Variants in ZDHHC8 observed in about 807,000 individuals in gnomAD.
ZDHHC8 encodes palmitoyltransferase ZDHHC8.
In ZDHHC8, 24 loss-of-function variants were observed where a neutral mutation model predicts 61.2. That is an observed-to-expected ratio of 0.39 (90% confidence interval 0.28 to 0.55). The LOEUF (loss-of-function observed/expected upper bound fraction) is 0.55, where lower values mean the gene tolerates loss of function less well. Among genes scored for constraint, ZDHHC8 ranks in the 20% least tolerant of loss-of-function variants. ZDHHC8 has a pLI of 0.60. For synonymous variants in ZDHHC8, 523 were observed against 492.5 expected, an observed-to-expected ratio of 1.06 and a Z score of -0.82; for missense variants, 935 against 1,102.1, an observed-to-expected ratio of 0.85 and a Z score of 2.15.
At position 20,140,694 on chromosome 22, in the gene ZDHHC8, C is replaced by T. The variant is rs2050460287; in HGVS notation, c.738C>T (p.Ser246=). The T allele has an allele frequency of 6.2e-7, 1 of 1,610,598 alleles. No individual in the cohort carries two copies. Among genetic ancestry groups the T allele is most frequent in the Non-Finnish European group, 8.5e-7 (1 of 1,179,206 alleles). The change falls in exon 6 of 11, where the codon AGC becomes AGT. Residue 246 remains serine, a synonymous_variant. Coordinates refer to ENST00000334554, the MANE Select transcript of ZDHHC8 (RefSeq NM_013373.4). ...CCGNVEHVLC[S]PLAPRYVVEP... ...GGAATGTGGAGCACGTGCTGTGTAG[C>T]CCCCTGGCGCCCCGGTGAGGCCCGG... is the stretch of plus-strand genomic sequence containing the variant.
chr22:20,146,719 G>A lies in ZDHHC8; in HGVS notation c.*1319G>A. 1.7e-6 allele frequency: 2 copies of A among 1,157,828 alleles called. No individual in the cohort carries two copies. The highest frequency in any genetic ancestry group is 7.0e-4 in the Middle Eastern group (2 of 2,854). 71.7% of individuals were successfully genotyped at this position (1,157,828 alleles called of 1,614,324 possible). A position where few individuals can be genotyped will look rare whatever the true frequency, so the allele number is the denominator to read the frequency against. On this transcript the variant is annotated 3_prime_UTR_variant, in exon 11 of 11. Coordinates refer to ENST00000334554, the MANE Select transcript of ZDHHC8 (RefSeq NM_013373.4). ...GCAGTGACAGGGTGTTTGGGGGAAA[G>A]ACTTGGGTCTGCCGCTACCCACAGG...
intron 1 of ZDHHC8, 59 bp downstream of exon 1, chr22:20,132,110 C>T (rs1466307055): frequency 1.9e-6 from 2 of 1,058,088 alleles, no homozygotes; most frequent in Non-Finnish European, 2.3e-6. Context: ...CCGCACAGCC[C>T]GGGCACGGGG....
chr22:20,134,745 C>T (rs1267608457), intron 1 of ZDHHC8, among the ~76,000 whole-genome samples: 1 of 152,166 alleles, frequency 6.6e-6, no homozygotes, highest in African/African-American at 2.4e-5. Flanking sequence ...GGCCTGAGAA[C>T]CAGGGACCCC....
chr22:20,146,254 A>G lies in ZDHHC8; in HGVS notation c.*854A>G. 2.0e-6 allele frequency: 2 copies of G among 985,404 alleles called. No homozygotes were observed. The highest frequency in any genetic ancestry group is 2.4e-6 in the Non-Finnish European group (2 of 829,896). The allele number at this position is 985,404 out of a possible 1,614,324, so 61.0% of individuals were successfully genotyped here. A position where few individuals can be genotyped will look rare whatever the true frequency, so the allele number is the denominator to read the frequency against. Reference sequence around the variant, plus strand: ...CTGCCAAACTGGAGAACCCCACCCCAAGGCATGCCACGTCCGCAGCCCCGG... The same window carrying G: ...CTGCCAAACTGGAGAACCCCACCCCGAGGCATGCCACGTCCGCAGCCCCGG... On this transcript the variant is annotated 3_prime_UTR_variant, in exon 11 of 11. Coordinates refer to ENST00000334554, the MANE Select transcript of ZDHHC8 (RefSeq NM_013373.4).
chr22:20,143,279 C>T lies in ZDHHC8; in HGVS notation c.1649C>T (p.Ala550Val). Residue 550 changes from alanine (A) to valine (V), a missense_variant, in exon 10 of 11, where the codon GCA (alanine) becomes GTA (valine). Physicochemically the swap from Ala to Val is moderately conservative, Grantham distance 64. This residue lies in a region of ZDHHC8 where 692 missense variants were observed against 731.4 expected (regional missense o/e 0.95). Coordinates refer to ENST00000334554, the MANE Select transcript of ZDHHC8 (RefSeq NM_013373.4). Reference protein sequence around the residue: ...RYDNLSRTIMASIQERKDREE... With the variant: ...RYDNLSRTIMVSIQERKDREE... ...GACAACCTGTCCAGGACCATCATGG[C>T]ATCCATCCAGGAGCGCAAGGACAGG... 1.2e-6 allele frequency: 2 copies of T among 1,606,026 alleles called. No individual in the cohort carries two copies. The highest frequency in any genetic ancestry group is 1.7e-6 in the Non-Finnish European group (2 of 1,179,264).
chr22:20,136,695 T>C (rs2050423666), intron 1 of ZDHHC8, among the ~76,000 whole-genome samples: 1 of 152,228 alleles, frequency 6.6e-6, no homozygotes, highest in Non-Finnish European at 1.5e-5. Context: ...CACGTGTGCA[T>C]GTCTGCATGC....
At chr22:20,139,085 G>C in intron 1 of ZDHHC8, 109 bp from the exon 2 acceptor site, 1 of 1,483,132 alleles carries the variant, frequency 6.7e-7, no homozygotes, top group African/African-American at 1.4e-5. Flanking sequence ...CACTGCCTCT[G>C]AGCTCTGAGG....
intron 1 of ZDHHC8, among the ~76,000 whole-genome samples, chr22:20,134,981 G>C (rs2050407777): frequency 6.6e-6 from 1 of 152,196 alleles, no homozygotes; most frequent in African/African-American, 2.4e-5. Context: ...ACCCAGGCCA[G>C]AGTGCAGTGG....
At position 20,143,627 on chromosome 22, in the gene ZDHHC8, G is replaced by A; in HGVS notation, c.1997G>A (p.Arg666Lys). ...CCCCGGCCCAGCAGTGGCTCACACA[G>A]GTCACCTGCACGCCAGGGCCTGCCC... ...PGPRPSSGSHRSPARQGLPSP... is the reference protein window; with the variant it reads ...PGPRPSSGSHKSPARQGLPSP... Residue 666 changes from arginine (R) to lysine (K), a missense_variant, in exon 10 of 11, where the codon AGG becomes AAG. By Grantham distance (26) the Arg-to-Lys change is conservative (BLOSUM62 2). This residue lies in a region of ZDHHC8 where 692 missense variants were observed against 731.4 expected (regional missense o/e 0.95). Transcript: ENST00000334554. 2 of 1,605,346 alleles carry A rather than the reference G, an allele frequency of 1.2e-6. No homozygotes were observed. The highest frequency in any genetic ancestry group is 1.7e-6 in the Non-Finnish European group (2 of 1,179,170).
At position 20,146,701 on chromosome 22, in the gene ZDHHC8, CAG is replaced by C. The variant is rs1242912776; in HGVS notation, c.*1302_*1303del. On this transcript the variant is annotated 3_prime_UTR_variant, in exon 11 of 11. Coordinates refer to ENST00000334554, the MANE Select transcript of ZDHHC8 (RefSeq NM_013373.4). ...GGGTCTGTGTCAGTTCTGGCAGTGA[CAG>C]GGTGTTTGGGGGAAAGACTTGGGTC... 5.4e-6 allele frequency: 6 copies of C among 1,120,592 alleles called. No homozygotes were observed. The highest frequency in any genetic ancestry group is 6.5e-6 in the Non-Finnish European group (6 of 917,218). The allele number at this position is 1,120,592 out of a possible 1,614,324, so 69.4% of individuals were successfully genotyped here.
rs769117335 is a variant in ZDHHC8 at position 20,143,253 on chromosome 22, C to T, written c.1623C>T (p.Tyr541=). 5.0e-6 allele frequency: 8 copies of T among 1,606,422 alleles called. No homozygotes were observed. Among genetic ancestry groups the T allele is most frequent in the Admixed American group, 1.7e-5 (1 of 59,948 alleles). ...CCCGGGAGCCCTCGCCTGTGCGCTACGACAACCTGTCCAGGACCATCATGG... is the reference window on the plus strand; with the variant it reads ...CCCGGGAGCCCTCGCCTGTGCGCTATGACAACCTGTCCAGGACCATCATGG... ...PRPREPSPVR[Y]DNLSRTIMAS... Residue 541 remains tyrosine (Y), a synonymous_variant, in exon 10 of 11, where the codon TAC becomes TAT. Transcript: ENST00000334554.
intron 5 of ZDHHC8, 124 bp downstream of exon 5, chr22:20,140,341 T>A: frequency 1.9e-6 from 2 of 1,051,752 alleles, no homozygotes; most frequent in South Asian, 1.6e-5. Flanking sequence ...GAGACGAGGC[T>A]CCAACTCTGA....
In ZDHHC8 at chr22:20,146,194, C is replaced by T; in HGVS notation, c.*794C>T. 2.0e-6 allele frequency: 2 copies of T among 985,612 alleles called. No homozygotes were observed. The highest frequency in any genetic ancestry group is 4.7e-5 in the South Asian group (1 of 21,292). 61.1% of individuals were successfully genotyped at this position (985,612 alleles called of 1,614,324 possible). On this transcript the variant is annotated 3_prime_UTR_variant, in exon 11 of 11. Coordinates refer to ENST00000334554, the MANE Select transcript of ZDHHC8 (RefSeq NM_013373.4). Reference sequence around the variant, plus strand: ...TGATGCTGCCACAGGGGGCTGGTGACACCCAGAGCCCCCTCCCCAGCCCTC... The same window carrying T: ...TGATGCTGCCACAGGGGGCTGGTGATACCCAGAGCCCCCTCCCCAGCCCTC...
intron 10 of ZDHHC8, 82 bp from the exon 11 acceptor site, chr22:20,145,147 T>C (rs1282104286): frequency 1.6e-6 from 2 of 1,276,494 alleles, no homozygotes; most frequent in Non-Finnish European, 2.1e-6. Context: ...GCGTCGTCTC[T>C]GTCTTGCTGC....
At chr22:20,139,941 G>T in intron 4 of ZDHHC8, 49 bp downstream of exon 4, 1 of 1,601,050 alleles carries the variant, frequency 6.2e-7, no homozygotes, top group South Asian at 1.1e-5. Context: ...GTGGACCGGG[G>T]ACACGTTCAC....
chr22:20,138,981 T>C (rs1341951727), intron 1 of ZDHHC8, among the ~76,000 whole-genome samples: 1 of 152,018 alleles, frequency 6.6e-6, no homozygotes, highest in Non-Finnish European at 1.5e-5. Context: ...AGGGCACGGG[T>C]AGCCCACATG....
Position 20,141,523 on chromosome 22 carries a change from G to A in ZDHHC8, c.1118G>A (p.Gly373Asp). The change falls in exon 9 of 11, where the codon GGC (glycine) becomes GAC (aspartate). Residue 373 changes from glycine to aspartate, a missense_variant. Gly to Asp is a moderately conservative substitution (Grantham distance 94). Coordinates refer to ENST00000334554, the MANE Select transcript of ZDHHC8 (RefSeq NM_013373.4). The part of the protein sequence containing the change: ...TGPKVPFCGP[G>D]EQVPGPDSLT... ...CCCAAGGTGCCCTTCTGTGGACCAG[G>A]CGAGCAGGTAAGGAGGCCTAGCCTG... is the stretch of plus-strand genomic sequence containing the variant. 15 of 1,611,620 alleles carry A rather than the reference G, an allele frequency of 9.3e-6. No individual in the cohort carries two copies. Among genetic ancestry groups the A allele is most frequent in the Non-Finnish European group, 1.3e-5 (15 of 1,179,424 alleles).
chr22:20,140,609 A>G lies in ZDHHC8; in HGVS notation c.661-8A>G, dbSNP rs751672269. On this transcript the variant is annotated splice_polypyrimidine_tract_variant and splice_region_variant and intron_variant, in intron 5 of 10. Transcript: ENST00000334554. ...AGGCCAGGCTGGCTGAGGGTCCTGC[A>G]TCCACAGGTGACTGGGAAGTTCCGC... 6.3e-7 allele frequency: 1 copy of G among 1,599,956 alleles called. No individual in the cohort carries two copies. Among genetic ancestry groups the G allele is most frequent in the Non-Finnish European group, 8.5e-7 (1 of 1,173,700 alleles).
chr22:20,145,619 G>C lies in ZDHHC8; in HGVS notation c.*219G>C. 8.2e-7 allele frequency: 1 copy of C among 1,215,076 alleles called. No homozygotes were observed. The highest frequency in any genetic ancestry group is 1.0e-6 in the Non-Finnish European group (1 of 973,212). 75.3% of individuals were successfully genotyped at this position (1,215,076 alleles called of 1,614,324 possible). On this transcript the variant is annotated 3_prime_UTR_variant, in exon 11 of 11. Transcript: ENST00000334554. ...TGGGGAAGTCGGCTCACTGGGACAA[G>C]GGCCACTGGGCTGGTCTGTGTCTGG...
Sources: allele counts gnomAD v4.1 joint callset (sites outside exome capture counted in the v4.1 genomes callset), GRCh38; gene constraint gnomAD v4.1.1; regional missense constraint gnomAD v4.1.1; transcripts MANE v1.5; gene names NCBI Gene and HGNC (gene_info 2026-07-23, HGNC 2026-07-21).